The following WDR13 variants were observed in gnomAD, a reference collection of about 807,000 sequenced individuals.
WDR13 encodes WD repeat domain 13.
Under a neutral mutation model 28.6 loss-of-function variants are expected in WDR13, and 1 was observed. The ratio of observed to expected loss-of-function variants is 0.03; its 90% confidence interval spans 0.01 to 0.17. WDR13 has a LOEUF of 0.17. Among genes scored for constraint, WDR13 ranks in the 10% least tolerant of loss-of-function variants. The pLI is 1.00. For missense variants in WDR13, 264 were observed against 469.3 expected (o/e 0.56, Z 4.04); for synonymous variants, 201 against 185.9 (o/e 1.08, Z -0.66).
At chrX:48,604,821 G>A (rs782031239) in intron 9 of WDR13, 27 bp from the exon 10 acceptor site, 33 of 1,193,666 alleles carry the variant, frequency 2.8e-5, no homozygotes, top group African/African-American at 1.2e-4. Flanking sequence ...GGCGCCTCCC[G>A]ATGGCCTCTC....
At chrX:48,604,826 C>T (rs1556995610) in intron 9 of WDR13, 22 bp from the exon 10 acceptor site, 1 of 1,196,525 alleles carries the variant, frequency 8.4e-7, no homozygotes. Flanking sequence ...CTCCCGATGG[C>T]CTCTCCCTCT....
In WDR13 at chrX:48,606,364, G is replaced by A. The variant is rs782659987; in HGVS notation, c.*1332G>A. 1 of 110,724 alleles carries A rather than the reference G, an allele frequency of 9.0e-6. No individual in the cohort carries two copies. The highest frequency in any genetic ancestry group is 1.9e-5 in the Non-Finnish European group (1 of 52,904). The allele number at this position is 110,724 out of a possible 1,213,427, so 9.1% of individuals were successfully genotyped here. ...GGGGCGATATTCCCAACCCTTCTGT[G>A]CATTGTGTTGTTTATTAAAAGCAGG... On this transcript the variant is annotated 3_prime_UTR_variant, in exon 10 of 10. Transcript: ENST00000376729.
At chrX:48,600,138 G>A in intron 5 of WDR13, 181 bp from the exon 6 acceptor site, 2 of 465,937 alleles carry the variant, frequency 4.3e-6, no homozygotes, top group Non-Finnish European at 7.1e-6. Flanking sequence ...GACTTAGGGA[G>A]CTTTGGCAGA....
intron 8 of WDR13, chrX:48,604,059 A>G: frequency 2.6e-6 from 1 of 380,231 alleles, no homozygotes; most frequent in Non-Finnish European, 4.6e-6. Flanking sequence ...GGATCACTTG[A>G]GCCTAGGAGG....
Position 48,608,240 on chromosome X carries a change from C to T in WDR13, c.*3208C>T, listed in dbSNP as rs2062233575. The T allele has an allele frequency of 9.2e-6, 1 of 109,217 alleles. No individual in the cohort carries two copies. Among genetic ancestry groups the T allele is most frequent in the South Asian group, 4.0e-4 (1 of 2,505 alleles). The allele number at this position is 109,217 out of a possible 1,213,427, so 9.0% of individuals were successfully genotyped here. A position where few individuals can be genotyped will look rare whatever the true frequency, so the allele number is the denominator to read the frequency against. On this transcript the variant is annotated 3_prime_UTR_variant, in exon 10 of 10. Transcript: ENST00000376729. ...CCAGGCTCAAGCGGTCCTGCTGCCTCATCCTCCAAAGTAGCTGGGACCACA... is the reference window on the plus strand; with the variant it reads ...CCAGGCTCAAGCGGTCCTGCTGCCTTATCCTCCAAAGTAGCTGGGACCACA...
At position 48,599,709 on chromosome X, in the gene WDR13, A is replaced by C; in HGVS notation, c.515A>C (p.Asp172Ala). 1 of 1,212,202 alleles carries C rather than the reference A, an allele frequency of 8.2e-7. No individual in the cohort carries two copies. Among genetic ancestry groups the C allele is most frequent in the Non-Finnish European group, 1.1e-6 (1 of 895,381 alleles). Residue 172 changes from aspartate (D) to alanine (A), a missense_variant, in exon 5 of 10, where the codon GAT becomes GCT. Transcript: ENST00000376729. ...GMYHVFDQHVDEAVPRVRFAN... is the reference protein window; with the variant it reads ...GMYHVFDQHVAEAVPRVRFAN... ...TATCATGTTTTTGACCAGCACGTGG[A>C]TGAGGCAGGTGAGCCAGTGGGTAGC...
chrX:48,598,652 C>CT (rs1298124126), intron 2 of WDR13, 65 bp from the exon 3 acceptor site: 3 of 930,116 alleles, frequency 3.2e-6, no homozygotes, highest in East Asian at 5.6e-5. Context: ...CCGTACCCCC[C>CT]CCCCCGAGCT....
chrX:48,597,738 A>G, intron 1 of WDR13, 124 bp downstream of exon 1: 1 of 356,162 alleles, frequency 2.8e-6, no homozygotes. Context: ...TGCTATGGCG[A>G]CTGGGGAGGG....
chrX:48,598,480 C>A, intron 2 of WDR13: 1 of 1,039,550 alleles, frequency 9.6e-7, no homozygotes. Flanking sequence ...GGGACCCCAG[C>A]ACGGCAGCAG....
At chrX:48,603,725 C>A (rs1169907897) in intron 8 of WDR13, among the ~76,000 whole-genome samples, 1 of 111,223 alleles carries the variant, frequency 9.0e-6, no homozygotes, top group Non-Finnish European at 1.9e-5. Context: ...TGGAAACCCC[C>A]CCAGGTTACC....
chrX:48,600,465 G>T lies in WDR13; in HGVS notation c.670G>T (p.Ala224Ser), dbSNP rs782187834. 4 of 1,211,230 alleles carry T rather than the reference G, an allele frequency of 3.3e-6. No individual in the cohort carries two copies. The highest frequency in any genetic ancestry group is 4.5e-6 in the Non-Finnish European group (4 of 895,514). The change falls in exon 6 of 10, where the codon GCC becomes TCC. Residue 224 changes from alanine to serine, a missense_variant. Ala to Ser is a moderately conservative substitution (Grantham distance 99, BLOSUM62 1). Transcript: ENST00000376729. ...CCACACCCGTGGTGTCTCCGACTTC[G>T]CCTGGTCCCTCTCCAATGACATCCT... ...RGHTRGVSDF[A>S]WSLSNDILVS...
rs2062215058 is a variant in WDR13, at chrX:48,605,190, C to CG, written c.*162dup. On this transcript the variant is annotated 3_prime_UTR_variant, in exon 10 of 10. Transcript: ENST00000376729. ...GGGCAGCTCCAGGAACACGGTGGAACGGGGTTCATTGACTCATTTGTGCAT... is the reference window on the plus strand; with the variant it reads ...GGGCAGCTCCAGGAACACGGTGGAACGGGGGTTCATTGACTCATTTGTGCAT... The CG allele has an allele frequency of 8.4e-6, 5 of 594,980 alleles. No homozygotes were observed. The East Asian group carries it at 1.1e-4, about 13-fold the overall frequency. The allele number at this position is 594,980 out of a possible 1,213,427, so 49.0% of individuals were successfully genotyped here. A position where few individuals can be genotyped will look rare whatever the true frequency, so the allele number is the denominator to read the frequency against.
intron 7 of WDR13, 33 bp downstream of exon 7, chrX:48,601,997 C>T (rs927157055): frequency 1.4e-5 from 17 of 1,191,083 alleles, no homozygotes; most frequent in Admixed American, 4.5e-5. Context: ...TCTGGGTGCT[C>T]GCCCTCCAGC....
chrX:48,604,626 G>A (rs1229591646), intron 9 of WDR13, among the ~76,000 whole-genome samples: 3 of 112,599 alleles, frequency 2.7e-5, no homozygotes, highest in South Asian at 3.6e-4. Context: ...CACTTTGAAC[G>A]CACTAACTCC....
rs1253874203 is a variant in WDR13 at position 48,601,947 on chromosome X, T to G, written c.995T>G (p.Leu332Arg). The G allele has an allele frequency of 8.4e-7, 1 of 1,191,713 alleles. No individual in the cohort carries two copies. Among genetic ancestry groups the G allele is most frequent in the Non-Finnish European group, 1.1e-6 (1 of 883,875 alleles). The change falls in exon 7 of 10, where the codon CTC (leucine) becomes CGC (arginine). Residue 332 changes from leucine to arginine, a missense_variant. By Grantham distance (102) the Leu-to-Arg change is moderately radical. This residue lies in a region of WDR13 where 157 missense variants were observed against 270.2 expected (regional missense o/e 0.58). Coordinates refer to ENST00000376729, the MANE Select transcript of WDR13 (RefSeq NM_001347217.2). ...GACCGTGGCAGTGTCTTCTCTTTCC[T>G]CTTTGATATGGCCACAGGTAGGCAG... is the stretch of plus-strand genomic sequence containing the variant. ...GDDRGSVFSF[L>R]FDMATGKLTK... is the part of the protein sequence containing the mutation.
chrX:48,604,364 T>A lies in WDR13; in HGVS notation c.1247T>A (p.Met416Lys). The change falls in exon 9 of 10, where the codon ATG (methionine) becomes AAG (lysine). Residue 416 changes from methionine (M) to lysine (K), a missense_variant. Physicochemically the swap from Met to Lys is moderately conservative, Grantham distance 95. This residue lies in a region of WDR13 where 157 missense variants were observed against 270.2 expected (regional missense o/e 0.58). Coordinates refer to ENST00000376729, the MANE Select transcript of WDR13 (RefSeq NM_001347217.2). ...GTGCGCAGCATCTTCTGTCCCCTCA[T>A]GTCCTTCCGCCAGGGGGCCTGCGTG... Reference protein sequence around the residue: ...HPVRSIFCPLMSFRQGACVVT... With the variant: ...HPVRSIFCPLKSFRQGACVVT... 8.3e-7 allele frequency: 1 copy of A among 1,210,593 alleles called. No homozygotes were observed. Among genetic ancestry groups the A allele is most frequent in the Non-Finnish European group, 1.1e-6 (1 of 894,887 alleles).
rs148927832 is a variant in WDR13, at chrX:48,598,467, G to A, written c.42-250G>A. On this transcript the variant is annotated intron_variant, in intron 2 of 9. Transcript: ENST00000376729. ...TTGTCTGCGCTGACCCAGTCACCCC[G>A]TAGGGACCCCAGCACGGCAGCAGAC... The A allele has an allele frequency of 1.6e-3, 1,641 of 1,028,066 alleles. 38 individuals are homozygous for A. The East Asian group carries it at 0.057, about 36-fold the overall frequency. 84.7% of individuals were successfully genotyped at this position (1,028,066 alleles called of 1,213,427 possible).
chrX:48,598,542 CAG>C, intron 2 of WDR13, 173 bp from the exon 3 acceptor site: 1 of 1,073,280 alleles, frequency 9.3e-7, no homozygotes, highest in Non-Finnish European at 1.2e-6. Context: ...ATTATTACTG[CAG>C]ACTCACTCCC....
At chrX:48,598,384 C>A in intron 2 of WDR13, 2 of 1,011,014 alleles carry the variant, frequency 2.0e-6, no homozygotes, top group South Asian at 5.9e-5. Context: ...CACCTCCCAA[C>A]GCTGACCCCC....
Sources: gnomAD v4.1 joint callset for allele counts (sites outside exome capture counted in the v4.1 genomes callset) on GRCh38, gnomAD v4.1.1 for gene constraint, gnomAD v4.1.1 regional missense constraint, MANE v1.5 for transcripts, NCBI Gene and HGNC (gene_info 2026-07-23, HGNC 2026-07-21) for gene names.